Variants in MSRA observed in about 807,000 individuals in gnomAD.
MSRA encodes the protein mitochondrial peptide methionine sulfoxide reductase.
A neutral mutation model predicts 31.3 loss-of-function variants in MSRA; 54 were observed. That is an observed-to-expected ratio of 1.73 (90% CI 1.39 to 2.17). The LOEUF is 2.17. Among genes scored for constraint, MSRA ranks in the 30% most tolerant of loss-of-function variants. MSRA has a pLI of 0.00. For missense variants in MSRA, 507 were observed against 300.9 expected, an observed-to-expected ratio of 1.69 and a Z score of -5.07; for synonymous variants, 169 against 116.5, an observed-to-expected ratio of 1.45 and a Z score of -2.90.
intron 1 of MSRA, among the ~76,000 whole-genome samples, chr8:10,154,608 A>G (rs1290388001): frequency 6.6e-6 from 1 of 151,926 alleles, no homozygotes; most frequent in Non-Finnish European, 1.5e-5. Context: ...TGATCACCTG[A>G]CCTCGTGATC....
chr8:10,275,433 T>C (rs1176055240), intron 3 of MSRA, among the ~76,000 whole-genome samples: 1 of 152,242 alleles, frequency 6.6e-6, no homozygotes, highest in Non-Finnish European at 1.5e-5. Context: ...CATCTTCTTT[T>C]CTGACACATG....
At chr8:10,063,819 A>G (rs769786249) in intron 1 of MSRA, among the ~76,000 whole-genome samples, 11 of 152,200 alleles carry the variant, frequency 7.2e-5, no homozygotes, top group Non-Finnish European at 1.2e-4. Flanking sequence ...ATTATTGATA[A>G]GCTGCCAGGT....
At chr8:10,118,715 C>T (rs1326932726) in intron 1 of MSRA, among the ~76,000 whole-genome samples, 1 of 152,148 alleles carries the variant, frequency 6.6e-6, no homozygotes, top group Non-Finnish European at 1.5e-5. Context: ...GGACGCCTGG[C>T]CTCATCTTCA....
At chr8:10,174,988 A>G (rs114297969) in intron 1 of MSRA, among the ~76,000 whole-genome samples, 115 of 152,162 alleles carry the variant, frequency 7.6e-4, no homozygotes, top group African/African-American at 2.7e-3. Context: ...ATCACTTCTG[A>G]ACTTAATTCC....
At chr8:10,397,064 G>A (rs1054836939) in intron 5 of MSRA, among the ~76,000 whole-genome samples, 17 of 152,208 alleles carry the variant, frequency 1.1e-4, no homozygotes, top group Non-Finnish European at 2.1e-4. Context: ...ACTGTGTCCT[G>A]CTCATCCTTG....
chr8:10,204,557 A>G (rs921623013), intron 1 of MSRA, among the ~76,000 whole-genome samples: 58 of 152,328 alleles, frequency 3.8e-4, no homozygotes, highest in African/African-American at 1.3e-3. Flanking sequence ...GTCATAGCCT[A>G]GGGGCAATAG....
chr8:10,261,567 G>A (rs905939075), intron 3 of MSRA, among the ~76,000 whole-genome samples: 3 of 151,986 alleles, frequency 2.0e-5, no homozygotes, highest in Non-Finnish European at 4.4e-5. Flanking sequence ...AATTTTTAGA[G>A]CAATTTTAGG....
At chr8:10,410,017 G>A (rs1808059251) in intron 5 of MSRA, among the ~76,000 whole-genome samples, 1 of 152,198 alleles carries the variant, frequency 6.6e-6, no homozygotes, top group Non-Finnish European at 1.5e-5. Context: ...CTATCGTGGT[G>A]CCACTGCACT....
rs183382397 is a variant in MSRA, at chr8:10,409,876, A to G, written c.544-18272A>G. Among the ~76,000 whole-genome samples, 22 of 152,342 alleles carry G rather than the reference A, an allele frequency of 1.4e-4. No homozygotes were observed. The East Asian group carries it at 4.1e-3, about 28-fold the overall frequency. Reference sequence around the variant, plus strand: ...TAGGAGTTCGAGACCAGCCTGGGCAACATAGACCCTGTCTCTACAGAAAAT... The same window carrying G: ...TAGGAGTTCGAGACCAGCCTGGGCAGCATAGACCCTGTCTCTACAGAAAAT... On this transcript the variant is annotated intron_variant, in intron 5 of 5. Transcript: ENST00000317173.
chr8:10,290,487 A>G (rs1399112783), intron 3 of MSRA, among the ~76,000 whole-genome samples: 2 of 152,182 alleles, frequency 1.3e-5, no homozygotes, highest in East Asian at 1.9e-4. Flanking sequence ...GTTTAGCCAC[A>G]TACATCAGAT....
At chr8:10,200,490 C>G (rs1178266887) in intron 1 of MSRA, among the ~76,000 whole-genome samples, 2 of 152,160 alleles carry the variant, frequency 1.3e-5, no homozygotes, top group East Asian at 3.9e-4. Context: ...CATGGCCTTC[C>G]TGGGGGACTC....
At chr8:10,336,000 C>T (rs1357031793) in intron 5 of MSRA, among the ~76,000 whole-genome samples, 1 of 152,052 alleles carries the variant, frequency 6.6e-6, no homozygotes, top group Non-Finnish European at 1.5e-5. Context: ...GTCACTGGGC[C>T]AGGTAGATTC....
chr8:10,330,447 A>G (rs539457734), intron 5 of MSRA, among the ~76,000 whole-genome samples: 14 of 152,330 alleles, frequency 9.2e-5, no homozygotes, highest in East Asian at 7.7e-4. Context: ...TTCAACATCT[A>G]TAGGCTGAAA....
chr8:10,173,990 TAAGAC>T (rs1231271771), intron 1 of MSRA, among the ~76,000 whole-genome samples: 1 of 152,148 alleles, frequency 6.6e-6, no homozygotes, highest in Non-Finnish European at 1.5e-5. Flanking sequence ...GGCAGATTTC[TAAGAC>T]AAGACAAGAT....
chr8:10,393,255 G>A (rs1181355240), intron 5 of MSRA, among the ~76,000 whole-genome samples: 1 of 152,154 alleles, frequency 6.6e-6, no homozygotes, highest in African/African-American at 2.4e-5. Flanking sequence ...CAGAGTGGAT[G>A]CGGTGCCAGG....
intron 1 of MSRA, among the ~76,000 whole-genome samples, chr8:10,129,013 A>G (rs780445337): frequency 1.3e-5 from 2 of 152,126 alleles, no homozygotes; most frequent in Non-Finnish European, 2.9e-5. Flanking sequence ...TAATTTTCTC[A>G]CGAGTTTGCA....
At chr8:10,305,958 A>G (rs1185457204) in intron 4 of MSRA, among the ~76,000 whole-genome samples, 1 of 152,222 alleles carries the variant, frequency 6.6e-6, no homozygotes, top group Non-Finnish European at 1.5e-5. Flanking sequence ...CAGAACCTCT[A>G]CTTTTGCTGA....
intron 4 of MSRA, among the ~76,000 whole-genome samples, chr8:10,309,651 G>A (rs755490437): frequency 6.6e-6 from 1 of 152,184 alleles, no homozygotes; most frequent in Non-Finnish European, 1.5e-5. Flanking sequence ...TATGCTGTTG[G>A]GTTTCCTGGG....
Position 10,145,020 on chromosome 8 carries a change from T to A in MSRA, c.143-62813T>A, listed in dbSNP as rs146160961. Among the ~76,000 whole-genome samples the A allele has an allele frequency of 2.0e-5, 3 of 152,338 alleles. No homozygotes were observed. The East Asian group carries it at 5.8e-4, about 29-fold the overall frequency. ...TCCCCCCGCCTCTCCCTGCTTTTCC[T>A]TTCAGACAATAAATAGCTGTCAGGC... On this transcript the variant is annotated intron_variant, in intron 1 of 5. Transcript: ENST00000317173.
Sources: allele counts gnomAD v4.1 joint callset (sites outside exome capture counted in the v4.1 genomes callset), GRCh38; gene constraint gnomAD v4.1.1; transcripts MANE v1.5; gene names NCBI Gene and HGNC (gene_info 2026-07-23, HGNC 2026-07-21).